XKR9: variants seen among roughly 807,000 people sequenced by gnomAD.
XKR9 encodes the protein XK-related protein 9.
Under a neutral mutation model 32.0 loss-of-function variants are expected in XKR9, and 32 were observed. The observed-to-expected ratio is 1.00, with a 90% CI of 0.76 to 1.34. XKR9 has a LOEUF of 1.34. XKR9 is among the 40% of genes most tolerant of loss of function. XKR9 has a pLI of 0.00. For synonymous variants in XKR9, 168 were observed against 143.4 expected, an observed-to-expected ratio of 1.17 and a Z score of -1.22; for missense variants, 546 against 429.7, an observed-to-expected ratio of 1.27 and a Z score of -2.39.
chr8:71,063,764 A>T, the XKR9 span, among the ~76,000 whole-genome samples: 1 of 152,196 alleles, frequency 6.6e-6, no homozygotes, highest in Non-Finnish European at 1.5e-5. Context: ...TTTTGCATTA[A>T]CCATGGATCA....
At chr8:70,839,886 T>C in the XKR9 span, among the ~76,000 whole-genome samples, 1 of 152,140 alleles carries the variant, frequency 6.6e-6, no homozygotes, top group Non-Finnish European at 1.5e-5. Context: ...AAACTGATAC[T>C]CCAGTGAAGT....
At chr8:70,978,565 C>T in the XKR9 span, among the ~76,000 whole-genome samples, 1 of 152,176 alleles carries the variant, frequency 6.6e-6, no homozygotes, top group Admixed American at 6.5e-5. Flanking sequence ...TATCGGCCCC[C>T]ACTCTCTTGT....
chr8:70,960,290 C>T, the XKR9 span, among the ~76,000 whole-genome samples: 1 of 151,932 alleles, frequency 6.6e-6, no homozygotes, highest in Non-Finnish European at 1.5e-5. Context: ...AGAGTAGAGG[C>T]AAAATTGTGT....
At chr8:71,034,175 A>C in the XKR9 span, among the ~76,000 whole-genome samples, 1 of 152,140 alleles carries the variant, frequency 6.6e-6, no homozygotes, top group African/African-American at 2.4e-5. Flanking sequence ...TTAAATTGTA[A>C]TACCCATCTG....
In XKR9 at chr8:70,696,794, A is replaced by G. The variant is rs1805295465; in HGVS notation, c.273-10139A>G. Among the ~76,000 whole-genome samples, 4 of 151,422 alleles carry G rather than the reference A, an allele frequency of 2.6e-5. No individual in the cohort carries two copies. The South Asian group carries it at 8.4e-4, about 32-fold the overall frequency. ...TGGGCAGTATGGCCATTTTCACGAT[A>G]TTGATTCTTCCTATCCATGAGCATG... On this transcript the variant is annotated intron_variant, in intron 3 of 4. Coordinates refer to ENST00000408926, the MANE Select transcript of XKR9 (RefSeq NM_001011720.2).
chr8:71,029,045 A>G, the XKR9 span, among the ~76,000 whole-genome samples: 1 of 152,184 alleles, frequency 6.6e-6, no homozygotes, highest in Non-Finnish European at 1.5e-5. Flanking sequence ...TAATCCCTCC[A>G]GGTCCGTTGT....
the XKR9 span, among the ~76,000 whole-genome samples, chr8:71,055,473 G>T: frequency 6.6e-6 from 1 of 152,090 alleles, no homozygotes; most frequent in Admixed American, 6.5e-5. Context: ...GAGAGAAGGA[G>T]AATGTCTATG....
At chr8:70,978,853 G>A in the XKR9 span, among the ~76,000 whole-genome samples, 8 of 151,982 alleles carry the variant, frequency 5.3e-5, no homozygotes, top group Non-Finnish European at 5.9e-5. Flanking sequence ...TCCATTCTCC[G>A]CGTCACTTTC....
Position 70,681,275 on chromosome 8 carries a change from G to C in XKR9, c.217G>C (p.Glu73Gln), listed in dbSNP as rs1357054889. 6.2e-7 allele frequency: 1 copy of C among 1,613,410 alleles called. No homozygotes were observed. Among genetic ancestry groups the C allele is most frequent in the Non-Finnish European group, 8.5e-7 (1 of 1,179,568 alleles). ...GGCTGATTTAAAGAAAGCAGGCCAA[G>C]AAAGTCAGCATTGTTTTCTTCTACT... Reference protein sequence around the residue: ...FKADLKKAGQESQHCFLLLHC... With the variant: ...FKADLKKAGQQSQHCFLLLHC... The change falls in exon 3 of 5, where the codon GAA (glutamate) becomes CAA (glutamine). Residue 73 changes from glutamate to glutamine, a missense_variant. By Grantham distance (29) the Glu-to-Gln change is conservative. Transcript: ENST00000408926.
chr8:70,749,691 C>T (rs551949847), intron 2 of XKR9, among the ~76,000 whole-genome samples: 51 of 147,884 alleles, frequency 3.4e-4, no homozygotes, highest in African/African-American at 1.2e-3. Context: ...GTGAGTTGAG[C>T]GCAGCTTGCC....
chr8:70,830,329 T>C, the XKR9 span, among the ~76,000 whole-genome samples: 57 of 151,446 alleles, frequency 3.8e-4, no homozygotes, highest in African/African-American at 1.3e-3. Context: ...GTCTGTAATC[T>C]CAACATTTTG....
intron 2 of XKR9, among the ~76,000 whole-genome samples, chr8:70,740,943 T>G (rs1400485134): frequency 6.6e-6 from 1 of 152,248 alleles, no homozygotes; most frequent in African/African-American, 2.4e-5. Context: ...GGAGGCAGTC[T>G]GCCCGTTCTG....
the XKR9 span, among the ~76,000 whole-genome samples, chr8:70,852,147 G>T: frequency 5.3e-5 from 8 of 152,174 alleles, no homozygotes; most frequent in Non-Finnish European, 1.2e-4. Context: ...ACTTTTCAAA[G>T]AAGACATTTA....
the XKR9 span, among the ~76,000 whole-genome samples, chr8:70,903,115 G>A: frequency 1.3e-5 from 2 of 151,670 alleles, no homozygotes; most frequent in African/African-American, 2.4e-5. Context: ...TTTTGTTGTG[G>A]TTCCGCCAGG....
At chr8:70,700,622 G>T (rs920278892) in intron 3 of XKR9, among the ~76,000 whole-genome samples, 17 of 152,146 alleles carry the variant, frequency 1.1e-4, no homozygotes, top group East Asian at 7.7e-4. Context: ...TAGGCTGCTC[G>T]GGGGTCAGGG....
downstream of XKR9, among the ~76,000 whole-genome samples, chr8:70,739,315 G>A (rs186089781): frequency 1.0e-3 from 153 of 151,944 alleles, 2 homozygotes; most frequent in African/African-American, 3.5e-3. Context: ...TTTTCCATTT[G>A]CTTGGTACAT....
chr8:70,785,274 G>C (rs1371762263), intron 2 of XKR9, among the ~76,000 whole-genome samples: 3 of 151,662 alleles, frequency 2.0e-5, no homozygotes, highest in Non-Finnish European at 4.4e-5. Flanking sequence ...GTTTCTTTTA[G>C]TTTATCCAAT....
At chr8:70,832,403 GA>G in the XKR9 span, among the ~76,000 whole-genome samples, 1 of 152,114 alleles carries the variant, frequency 6.6e-6, no homozygotes, top group Non-Finnish European at 1.5e-5. Context: ...GTTTTGAGTG[GA>G]AAAAATATTT....
the XKR9 span, among the ~76,000 whole-genome samples, chr8:70,961,321 A>G: frequency 6.6e-5 from 10 of 152,336 alleles, no homozygotes; most frequent in East Asian, 1.9e-3. Context: ...AGTGGGCTTG[A>G]TCTGGAAGTT....
Sources: gnomAD v4.1 joint callset for allele counts (sites outside exome capture counted in the v4.1 genomes callset) on GRCh38, gnomAD v4.1.1 for gene constraint, MANE v1.5 for transcripts, NCBI Gene and HGNC (gene_info 2026-07-23, HGNC 2026-07-21) for gene names.